FGF14: variants seen among roughly 807,000 people sequenced by gnomAD.
The protein encoded by FGF14 is fibroblast growth factor homologous factor 4.
In FGF14, 5 loss-of-function variants were observed where a neutral mutation model predicts 25.5. The observed-to-expected ratio is 0.20, with a 90% CI of 0.10 to 0.41. FGF14 has a LOEUF of 0.41. FGF14 is among the 10% of genes least tolerant of loss of function. FGF14 has a pLI of 1.00. For missense variants in FGF14, 222 were observed against 320.1 expected, an observed-to-expected ratio of 0.69 and a Z score of 2.34; for synonymous variants, 138 against 118.3, an observed-to-expected ratio of 1.17 and a Z score of -1.08.
At chr13:101,944,677 A>G (rs2035692933) in intron 1 of FGF14, among the ~76,000 whole-genome samples, 1 of 152,234 alleles carries the variant, frequency 6.6e-6, no homozygotes, top group African/African-American at 2.4e-5. Context: ...AATGTAGTAT[A>G]CACAGGCAAA....
At chr13:102,161,621 A>AGAC (rs1566764544) in intron 1 of FGF14, among the ~76,000 whole-genome samples, 13 of 7,830 alleles carry the variant, frequency 1.7e-3, no homozygotes, top group Non-Finnish European at 2.9e-3. Context: ...AAGAAGAAGA[A>AGAC]GAAGAAGAAG....
At chr13:101,941,906 G>T (rs1012660237) in intron 1 of FGF14, among the ~76,000 whole-genome samples, 5 of 151,910 alleles carry the variant, frequency 3.3e-5, no homozygotes, top group African/African-American at 1.2e-4. Flanking sequence ...CATTTCTTTT[G>T]CTTATTGGGT....
chr13:102,193,932 G>C (rs2049232437), intron 1 of FGF14, among the ~76,000 whole-genome samples: 1 of 151,982 alleles, frequency 6.6e-6, no homozygotes, highest in African/African-American at 2.4e-5. Flanking sequence ...CCCTGAAAAA[G>C]TCCATGAATT....
intron 3 of FGF14, among the ~76,000 whole-genome samples, chr13:101,727,223 T>C (rs1177452482): frequency 6.6e-6 from 1 of 152,134 alleles, no homozygotes; most frequent in Non-Finnish European, 1.5e-5. Flanking sequence ...GATATAATAC[T>C]CTACAGTTGC....
chr13:101,882,757 C>G (rs2045779999), intron 1 of FGF14, among the ~76,000 whole-genome samples: 1 of 152,044 alleles, frequency 6.6e-6, no homozygotes, highest in Non-Finnish European at 1.5e-5. Context: ...ATATCTAGAA[C>G]TATTTAGAGA....
At chr13:101,964,562 T>C (rs908058090) in intron 1 of FGF14, among the ~76,000 whole-genome samples, 2 of 152,096 alleles carry the variant, frequency 1.3e-5, no homozygotes, top group African/African-American at 4.8e-5. Context: ...CAAAGAAATA[T>C]GATGATATAA....
Position 102,313,597 on chromosome 13 carries a change from C to T in FGF14, c.208+87874G>A, listed in dbSNP as rs144653893. On this transcript the variant is annotated intron_variant, in intron 1 of 4. Coordinates refer to the FGF14 transcript ENST00000376131. Reference sequence around the variant, plus strand: ...GAAATACTCCATTTACCTTTTAAGGCGTTGGGCAGGGGAGGGGGGTAAGAG... The same window carrying T: ...GAAATACTCCATTTACCTTTTAAGGTGTTGGGCAGGGGAGGGGGGTAAGAG... Among the ~76,000 whole-genome samples the T allele has an allele frequency of 7.8e-4, 118 of 151,326 alleles. 2 individuals are homozygous for T. The highest frequency in any genetic ancestry group is 6.3e-4 in the South Asian group (3 of 4,786).
intron 1 of FGF14, among the ~76,000 whole-genome samples, chr13:102,256,670 C>G (rs2052455632): frequency 6.6e-6 from 1 of 152,192 alleles, no homozygotes. Flanking sequence ...GAACTTACTT[C>G]CTCCACAAGA....
chr13:101,779,224 C>T (rs976223842), intron 3 of FGF14, among the ~76,000 whole-genome samples: 1 of 152,190 alleles, frequency 6.6e-6, no homozygotes, highest in Non-Finnish European at 1.5e-5. Context: ...GAATCACCCC[C>T]TTTAGTTATC....
chr13:101,917,751 G>A (rs548963860), upstream of FGF14, among the ~76,000 whole-genome samples: 60 of 152,164 alleles, frequency 3.9e-4, no homozygotes, highest in Admixed American at 3.3e-3. Flanking sequence ...AAGGCTACAC[G>A]GAGCAAAAAG....
chr13:101,996,447 C>T (rs1002666021), intron 1 of FGF14, among the ~76,000 whole-genome samples: 2 of 151,992 alleles, frequency 1.3e-5, no homozygotes, highest in African/African-American at 4.8e-5. Flanking sequence ...CTGAGTAATT[C>T]AGGTGAAAAA....
chr13:101,825,917 C>T (rs2042372937), intron 3 of FGF14, among the ~76,000 whole-genome samples: 1 of 152,062 alleles, frequency 6.6e-6, no homozygotes, highest in Non-Finnish European at 1.5e-5. Flanking sequence ...AGAATCAAAT[C>T]ACATATATCC....
At chr13:102,154,337 C>T (rs2140520258) in intron 1 of FGF14, among the ~76,000 whole-genome samples, 1 of 151,582 alleles carries the variant, frequency 6.6e-6, no homozygotes, top group South Asian at 2.1e-4. Flanking sequence ...ACCCTACAAG[C>T]CAGAAGAGAG....
Position 102,332,095 on chromosome 13 carries a change from CTT to C in FGF14, c.208+69374_208+69375del, listed in dbSNP as rs139811001. Among the ~76,000 whole-genome samples, 688 of 152,172 alleles carry C rather than the reference CTT, an allele frequency of 4.5e-3. 3 individuals carry two copies. Among genetic ancestry groups the C allele is most frequent in the African/African-American group, 0.016 (648 of 41,532 alleles). On this transcript the variant is annotated intron_variant, in intron 1 of 4. Transcript: ENST00000376131. The stretch of plus-strand genomic sequence containing the variant: ...TACTTCTTGGTGTCCTTTTTCTCCT[CTT>C]TGTACTAAACGGCAGAGTCAGTAGG...
intron 1 of FGF14, among the ~76,000 whole-genome samples, chr13:101,977,274 G>T (rs1207488774): frequency 6.6e-6 from 1 of 151,972 alleles, no homozygotes; most frequent in Admixed American, 6.6e-5. Flanking sequence ...TCCTAAACAG[G>T]AAAGTACTGC....
intron 3 of FGF14, among the ~76,000 whole-genome samples, chr13:101,753,298 G>GACACACACAC (rs3064705): frequency 2.7e-5 from 4 of 145,802 alleles, no homozygotes; most frequent in African/African-American, 1.0e-4. Context: ...CACACAGACA[G>GACACACACAC]ACACACACAC....
At chr13:102,098,235 C>T (rs910600131) in intron 1 of FGF14, among the ~76,000 whole-genome samples, 1 of 152,194 alleles carries the variant, frequency 6.6e-6, no homozygotes, top group Non-Finnish European at 1.5e-5. Context: ...AGAAAACAGA[C>T]AATCTGTCAG....
At chr13:102,014,852 T>C (rs940831075) in intron 1 of FGF14, among the ~76,000 whole-genome samples, 6 of 152,182 alleles carry the variant, frequency 3.9e-5, no homozygotes, top group Admixed American at 1.3e-4. Context: ...AGAACGGTCA[T>C]GTGTGTAAAA....
At chr13:102,247,780 A>G (rs1376504277) in intron 1 of FGF14, among the ~76,000 whole-genome samples, 1 of 152,158 alleles carries the variant, frequency 6.6e-6, no homozygotes, top group Non-Finnish European at 1.5e-5. Flanking sequence ...CCATAATGGC[A>G]CATGCACACA....
Sources: allele counts gnomAD v4.1 joint callset (sites outside exome capture counted in the v4.1 genomes callset), GRCh38; gene constraint gnomAD v4.1.1; transcripts MANE v1.5; gene names NCBI Gene and HGNC (gene_info 2026-07-23, HGNC 2026-07-21).